RNF216: variants seen among roughly 807,000 people sequenced by gnomAD.
RNF216 encodes ring finger protein 216.
A neutral mutation model predicts 110.8 loss-of-function variants in RNF216; 72 were observed. That is an observed-to-expected ratio of 0.65 (90% confidence interval 0.54 to 0.79). The LOEUF (loss-of-function observed/expected upper bound fraction) is 0.79, where lower values mean the gene tolerates loss of function less well. RNF216 is among the 30% of genes least tolerant of loss of function. The pLI is 0.00. For synonymous variants in RNF216, 495 were observed against 407.5 expected (o/e 1.21, Z -2.59); for missense variants, 1,342 against 1,141.2 (o/e 1.18, Z -2.54).
chr7:5,752,059 C>T (rs909212768), intron 3 of RNF216, among the ~76,000 whole-genome samples: 3 of 151,958 alleles, frequency 2.0e-5, no homozygotes, highest in Admixed American at 2.0e-4. Flanking sequence ...GTGGCGGGCG[C>T]CTGTAATCCC....
chr7:5,734,045 T>TA (rs1210797152), intron 5 of RNF216, among the ~76,000 whole-genome samples: 2 of 152,106 alleles, frequency 1.3e-5, no homozygotes, highest in Non-Finnish European at 2.9e-5. Context: ...GAAAGTATTT[T>TA]AAAAGCTTAG....
intron 13 of RNF216, among the ~76,000 whole-genome samples, chr7:5,660,084 A>G (rs1426207467): frequency 6.6e-6 from 1 of 150,568 alleles, no homozygotes; most frequent in East Asian, 2.0e-4. Flanking sequence ...TCTTCCGAGT[A>G]GCTCGGACTA....
At chr7:5,771,634 A>G (rs1796498740) in intron 1 of RNF216, among the ~76,000 whole-genome samples, 1 of 151,576 alleles carries the variant, frequency 6.6e-6, no homozygotes, top group Non-Finnish European at 1.5e-5. Flanking sequence ...CATTTCTACA[A>G]AAAAAGCAAA....
intron 1 of RNF216, among the ~76,000 whole-genome samples, chr7:5,768,171 C>T (rs1796302644): frequency 6.6e-6 from 1 of 151,616 alleles, no homozygotes. Context: ...AAAAAAATTA[C>T]CAGGTGCGGT....
chr7:5,736,506 A>C (rs1238231182), intron 5 of RNF216, among the ~76,000 whole-genome samples: 1 of 152,106 alleles, frequency 6.6e-6, no homozygotes, highest in African/African-American at 2.4e-5. Context: ...TTGGCCTCCC[A>C]AAGTGCCGAG....
chr7:5,706,958 A>C (rs1792330421), intron 13 of RNF216, among the ~76,000 whole-genome samples: 2 of 152,184 alleles, frequency 1.3e-5, no homozygotes, highest in Non-Finnish European at 1.5e-5. Flanking sequence ...ATGATATGAG[A>C]TATGGTATCA....
chr7:5,662,147 C>T (rs1234561334), intron 13 of RNF216, among the ~76,000 whole-genome samples: 2 of 152,070 alleles, frequency 1.3e-5, no homozygotes, highest in Non-Finnish European at 2.9e-5. Context: ...TGGAGAGCTG[C>T]GAATGGCTCA....
rs56903968 is a variant in RNF216 at position 5,765,787 on chromosome 7, CAAAA to C, written c.-69-4653_-69-4650del. On this transcript the variant is annotated intron_variant, in intron 1 of 16. Coordinates refer to ENST00000389902, the MANE Select transcript of RNF216 (RefSeq NM_207111.4). Reference sequence around the variant, plus strand: ...GTGAAACCCCGTCTCTACTAAAATACAAAAAAAAAAAAAAAAAAATTAGCCAGGC... The same window carrying C: ...GTGAAACCCCGTCTCTACTAAAATACAAAAAAAAAAAAAAATTAGCCAGGC... Among the ~76,000 whole-genome samples the C allele has an allele frequency of 1.7e-3, 212 of 123,258 alleles. 2 individuals carry two copies. Among genetic ancestry groups the C allele is most frequent in the East Asian group, 3.4e-3 (16 of 4,684 alleles). The allele number at this position is 123,258 out of a possible 152,430, so 80.9% of individuals were successfully genotyped here. A position where few individuals can be genotyped will look rare whatever the true frequency, so the allele number is the denominator to read the frequency against.
At chr7:5,651,273 T>C (rs1379180652) in intron 14 of RNF216, among the ~76,000 whole-genome samples, 2 of 151,666 alleles carry the variant, frequency 1.3e-5, no homozygotes, top group African/African-American at 2.4e-5. Flanking sequence ...GCCCAGGCTG[T>C]AGTGTTGTAG....
chr7:5,717,835 T>G lies in RNF216; in HGVS notation c.1645-1069A>C, dbSNP rs567615164. ...TCTCACTTTGTCGCCCAGGCTGGAG[T>G]GCAGTGGTGCAATCTCAGCTCACTG... On this transcript the variant is annotated intron_variant, in intron 9 of 16. Coordinates refer to ENST00000389902, the MANE Select transcript of RNF216 (RefSeq NM_207111.4). 2.0e-5 allele frequency among the ~76,000 whole-genome samples: 3 copies of G among 152,034 alleles called. 1 individual carries two copies. The South Asian group carries it at 6.2e-4, about 32-fold the overall frequency.
At chr7:5,714,583 T>C (rs1459777330) in intron 11 of RNF216, among the ~76,000 whole-genome samples, 1 of 152,158 alleles carries the variant, frequency 6.6e-6, no homozygotes, top group Non-Finnish European at 1.5e-5. Context: ...ACTGTGTTAG[T>C]TTTCTATTGC....
chr7:5,682,470 C>T (rs1204051923), intron 13 of RNF216, among the ~76,000 whole-genome samples: 1 of 150,786 alleles, frequency 6.6e-6, no homozygotes, highest in African/African-American at 2.5e-5. Context: ...TGCAGTGGCG[C>T]GGTCTTGTCT....
chr7:5,772,769 A>C (rs1438061522), intron 1 of RNF216, among the ~76,000 whole-genome samples: 2 of 148,928 alleles, frequency 1.3e-5, no homozygotes, highest in African/African-American at 4.9e-5. Context: ...CTGAAAAAAG[A>C]TATTCCTTTT....
chr7:5,641,009 A>G (rs909164188), intron 15 of RNF216, 145 bp downstream of exon 15: 2 of 646,114 alleles, frequency 3.1e-6, no homozygotes, highest in Admixed American at 3.2e-5. Flanking sequence ...TAGTTTCTCA[A>G]ATTTTTTCTT....
chr7:5,770,670 A>G (rs1458950092), intron 1 of RNF216, among the ~76,000 whole-genome samples: 1 of 152,178 alleles, frequency 6.6e-6, no homozygotes, highest in Non-Finnish European at 1.5e-5. Flanking sequence ...GAATAACCAA[A>G]GCATTCATGG....
intron 1 of RNF216, among the ~76,000 whole-genome samples, chr7:5,767,452 G>C (rs1796263608): frequency 6.6e-6 from 1 of 152,054 alleles, no homozygotes; most frequent in Non-Finnish European, 1.5e-5. Context: ...CACTGAGAAA[G>C]AACTCTCCAA....
In RNF216 at chr7:5,741,061, T is replaced by A. The variant is rs2128653446; in HGVS notation, c.956A>T (p.Glu319Val). The A allele has an allele frequency of 6.2e-7, 1 of 1,614,178 alleles. No individual in the cohort carries two copies. The highest frequency in any genetic ancestry group is 8.5e-7 in the Non-Finnish European group (1 of 1,180,048). Residue 319 changes from glutamate to valine, a missense_variant, in exon 4 of 17, where the codon GAA (glutamate) becomes GTA (valine). Glu to Val is a moderately radical substitution (Grantham distance 121, BLOSUM62 -2). Coordinates refer to ENST00000389902, the MANE Select transcript of RNF216 (RefSeq NM_207111.4). ...EEPGPAFPMQESQEPNLENIW... is the reference protein window; with the variant it reads ...EEPGPAFPMQVSQEPNLENIW... ...GTTTTCCAAATTGGGCTCTTGAGAT[T>A]CTTGCATTGGAAAGGCTGGACCTGG...
intron 13 of RNF216, among the ~76,000 whole-genome samples, chr7:5,671,444 T>C (rs1272220507): frequency 6.6e-6 from 1 of 152,162 alleles, no homozygotes; most frequent in African/African-American, 2.4e-5. Context: ...ACAGGGACTT[T>C]AAAGAGGTGA....
intron 13 of RNF216, among the ~76,000 whole-genome samples, chr7:5,659,146 G>A (rs948922853): frequency 1.3e-5 from 2 of 152,118 alleles, no homozygotes; most frequent in Admixed American, 6.5e-5. Flanking sequence ...GTGACGGTGG[G>A]AGGCAGAGGC....
Sources: allele counts gnomAD v4.1 joint callset (sites outside exome capture counted in the v4.1 genomes callset), GRCh38; gene constraint gnomAD v4.1.1; transcripts MANE v1.5; gene names NCBI Gene and HGNC (gene_info 2026-07-23, HGNC 2026-07-21).